CADPS2: variants seen among roughly 807,000 people sequenced by gnomAD.
CADPS2 encodes the protein calcium-dependent secretion activator 2.
CADPS2 carries 93 observed loss-of-function variants against 172.5 expected under a neutral mutation model. That is an observed-to-expected ratio of 0.54 (90% CI 0.46 to 0.64). CADPS2 has a LOEUF of 0.64. Among genes scored for constraint, CADPS2 ranks in the 30% least tolerant of loss-of-function variants. The pLI is 0.00. For missense variants in CADPS2, 1,420 were observed against 1,565.9 expected (o/e 0.91, Z 1.57); for synonymous variants, 546 against 555.2 (o/e 0.98, Z 0.23).
At chr7:122,437,086 A>G (rs1311724746) in intron 17 of CADPS2, among the ~76,000 whole-genome samples, 6 of 152,136 alleles carry the variant, frequency 3.9e-5, no homozygotes, top group Non-Finnish European at 8.8e-5. Context: ...AATCTGTGTC[A>G]GAATACTCAA....
At chr7:122,521,955 T>C (rs555748377) in intron 8 of CADPS2, among the ~76,000 whole-genome samples, 58 of 152,236 alleles carry the variant, frequency 3.8e-4, no homozygotes, top group South Asian at 1.7e-3. Flanking sequence ...AAAACTATAC[T>C]AAAAATTTGC....
chr7:122,737,985 A>C (rs2092270250), intron 1 of CADPS2, among the ~76,000 whole-genome samples: 1 of 152,172 alleles, frequency 6.6e-6, no homozygotes, highest in African/African-American at 2.4e-5. Flanking sequence ...AATAAGGAGA[A>C]GACAAAGAAG....
intron 2 of CADPS2, among the ~76,000 whole-genome samples, chr7:122,667,230 G>A (rs1237808741): frequency 6.6e-6 from 1 of 152,182 alleles, no homozygotes; most frequent in Non-Finnish European, 1.5e-5. Context: ...TGTATGTATA[G>A]TTTGACCAGC....
intron 28 of CADPS2, among the ~76,000 whole-genome samples, chr7:122,338,400 A>C (rs1172719240): frequency 2.0e-5 from 3 of 151,498 alleles, no homozygotes; most frequent in Admixed American, 2.0e-4. Flanking sequence ...TCTCAGAAAA[A>C]AACAAACAAA....
intron 6 of CADPS2, among the ~76,000 whole-genome samples, chr7:122,587,477 G>A (rs1163851020): frequency 6.6e-6 from 1 of 152,028 alleles, no homozygotes; most frequent in Non-Finnish European, 1.5e-5. Flanking sequence ...GGTATTCCAT[G>A]GTGTATATAT....
At chr7:122,674,029 G>A (rs987517515) in intron 2 of CADPS2, among the ~76,000 whole-genome samples, 3 of 152,178 alleles carry the variant, frequency 2.0e-5, no homozygotes, top group Non-Finnish European at 4.4e-5. Flanking sequence ...CGGGCTGGCA[G>A]TACTGGGGGA....
In CADPS2 at chr7:122,700,204, C is replaced by A. The variant is rs562232222; in HGVS notation, c.454-36635G>T. Among the ~76,000 whole-genome samples the A allele has an allele frequency of 2.0e-5, 3 of 152,274 alleles. No homozygotes were observed. In the South Asian group the frequency reaches 6.2e-4, roughly 32 times the overall value. On this transcript the variant is annotated intron_variant, in intron 2 of 29. Transcript: ENST00000449022. ...CGAGGCCAAAGATTCTGACCTTGAA[C>A]ATGAATGTCTCTGGTCTACATACGT...
At chr7:122,669,184 A>G (rs1588276663) in intron 2 of CADPS2, among the ~76,000 whole-genome samples, 1 of 152,200 alleles carries the variant, frequency 6.6e-6, no homozygotes, top group East Asian at 1.9e-4. Context: ...ACAAAAAATT[A>G]GCCGGGTGTA....
intron 3 of CADPS2, among the ~76,000 whole-genome samples, chr7:122,650,619 A>C (rs1588133497): frequency 6.6e-6 from 1 of 152,198 alleles, no homozygotes. Flanking sequence ...AAATTCAACA[A>C]AACATTTTAG....
intron 8 of CADPS2, among the ~76,000 whole-genome samples, chr7:122,546,149 A>T (rs1044176496): frequency 1.3e-5 from 2 of 152,178 alleles, no homozygotes; most frequent in Admixed American, 6.5e-5. Flanking sequence ...ATTAATGTTA[A>T]AATTGTGGTG....
chr7:122,557,662 G>T (rs2065201394), intron 7 of CADPS2, among the ~76,000 whole-genome samples: 1 of 152,124 alleles, frequency 6.6e-6, no homozygotes, highest in Non-Finnish European at 1.5e-5. Flanking sequence ...AGGACTTTGG[G>T]CTGTTTCTCT....
intron 7 of CADPS2, among the ~76,000 whole-genome samples, chr7:122,567,429 T>C (rs2066611940): frequency 1.3e-5 from 2 of 152,206 alleles, no homozygotes; most frequent in African/African-American, 4.8e-5. Flanking sequence ...GACTTTGGTG[T>C]GATGCACACA....
At chr7:122,464,588 C>T (rs765796286) in intron 14 of CADPS2, among the ~76,000 whole-genome samples, 1 of 152,060 alleles carries the variant, frequency 6.6e-6, no homozygotes, top group Non-Finnish European at 1.5e-5. Context: ...GGATGTCACG[C>T]GGATATTATG....
Position 122,701,326 on chromosome 7 carries a change from G to A in CADPS2, c.453+35629C>T, listed in dbSNP as rs556307278. Reference sequence around the variant, plus strand: ...GAAGCTGGAAACCATCATTCTCAGCGAACTATCGCAAGGACAAAAAACCAA... The same window carrying A: ...GAAGCTGGAAACCATCATTCTCAGCAAACTATCGCAAGGACAAAAAACCAA... On this transcript the variant is annotated intron_variant, in intron 2 of 29. Coordinates refer to ENST00000449022, the MANE Select transcript of CADPS2 (RefSeq NM_017954.11). Among the ~76,000 whole-genome samples, 15 of 151,952 alleles carry A rather than the reference G, an allele frequency of 9.9e-5. 1 individual carries two copies. In the South Asian group the frequency reaches 1.7e-3, roughly 17 times the overall value.
chr7:122,868,796 C>T (rs575638063), intron 1 of CADPS2, among the ~76,000 whole-genome samples: 32 of 152,208 alleles, frequency 2.1e-4, no homozygotes, highest in African/African-American at 7.0e-4. Flanking sequence ...TAAAGATGCT[C>T]GCTAAAGTAA....
intron 1 of CADPS2, among the ~76,000 whole-genome samples, chr7:122,805,368 C>A (rs919820519): frequency 1.3e-5 from 2 of 152,160 alleles, no homozygotes; most frequent in Admixed American, 1.3e-4. Flanking sequence ...GCATGTTGGC[C>A]AGGATGGTCT....
intron 20 of CADPS2, among the ~76,000 whole-genome samples, chr7:122,407,245 AT>A (rs1402602480): frequency 6.6e-6 from 1 of 152,160 alleles, no homozygotes; most frequent in Non-Finnish European, 1.5e-5. Context: ...GCCTTTGAAG[AT>A]TTTCAGATTC....
intron 1 of CADPS2, among the ~76,000 whole-genome samples, chr7:122,839,410 A>G (rs1809670362): frequency 6.6e-6 from 1 of 152,242 alleles, no homozygotes; most frequent in Non-Finnish European, 1.5e-5. Flanking sequence ...AATGGCAACA[A>G]AAGCCAAAAT....
intron 9 of CADPS2, among the ~76,000 whole-genome samples, chr7:122,509,560 G>C (rs1166562022): frequency 2.6e-5 from 4 of 152,134 alleles, no homozygotes; most frequent in Non-Finnish European, 4.4e-5. Flanking sequence ...TTTTCCAATA[G>C]AGTAACACTG....
Sources: gnomAD v4.1 joint callset for allele counts (sites outside exome capture counted in the v4.1 genomes callset) on GRCh38, gnomAD v4.1.1 for gene constraint, MANE v1.5 for transcripts, NCBI Gene and HGNC (gene_info 2026-07-23, HGNC 2026-07-21) for gene names.